Variants in KBTBD2 observed in about 807,000 individuals in gnomAD.
KBTBD2 encodes the protein kelch repeat and BTB domain-containing protein 2.
In KBTBD2, 17 loss-of-function variants were observed where a neutral mutation model predicts 57.1. The observed-to-expected ratio is 0.30, with a 90% CI of 0.20 to 0.45. KBTBD2 has a LOEUF of 0.45. Ranked by LOEUF, KBTBD2 falls within the 20% of genes least tolerant of loss-of-function variation. The pLI is 1.00. For missense variants in KBTBD2, 515 were observed against 750.6 expected (o/e 0.69, Z 3.67); for synonymous variants, 267 against 262.7 (o/e 1.02, Z -0.16).
At chr7:32,884,389 T>TA (rs1784515906) in intron 1 of KBTBD2, among the ~76,000 whole-genome samples, 2 of 98,862 alleles carry the variant, frequency 2.0e-5, no homozygotes, top group Middle Eastern at 6.7e-3. Context: ...AATTTTTAAT[T>TA]TAAAAAAAAA....
Position 32,868,728 on chromosome 7 carries a change from T to G in KBTBD2, c.*617A>C, listed in dbSNP as rs1784088752. 1 of 152,622 alleles carries G rather than the reference T, an allele frequency of 6.6e-6. No homozygotes were observed. Among genetic ancestry groups the G allele is most frequent in the Non-Finnish European group, 1.5e-5 (1 of 68,046 alleles). The allele number at this position is 152,622 out of a possible 1,614,324, so 9.5% of individuals were successfully genotyped here. On this transcript the variant is annotated 3_prime_UTR_variant, in exon 4 of 4. Transcript: ENST00000304056. Reference sequence around the variant, plus strand: ...GACCAGCTGACTGGAAGACCTGTATTCTAGATAGACAAGTATAAGTTAGTG... The same window carrying G: ...GACCAGCTGACTGGAAGACCTGTATGCTAGATAGACAAGTATAAGTTAGTG...
chr7:32,870,455 G>C lies in KBTBD2; in HGVS notation c.762C>G (p.Pro254=). The C allele has an allele frequency of 6.2e-7, 1 of 1,613,742 alleles. No homozygotes were observed. Among genetic ancestry groups the C allele is most frequent in the Non-Finnish European group, 8.5e-7 (1 of 1,179,852 alleles). The change falls in exon 4 of 4, where the codon CCC becomes CCG. Residue 254 remains proline, a synonymous_variant. Coordinates refer to ENST00000304056, the MANE Select transcript of KBTBD2 (RefSeq NM_015483.3). The part of the protein sequence containing the change: ...VVVQGLYKSM[P]KFFKPRLGMT... ...TCCCAAGTCTTGGTTTGAAAAACTT[G>C]GGCATGGACTTATACAGACCTTGAA...
At chr7:32,885,337 A>G (rs1466247129) in intron 1 of KBTBD2, among the ~76,000 whole-genome samples, 2 of 151,986 alleles carry the variant, frequency 1.3e-5, no homozygotes, top group African/African-American at 4.8e-5. Flanking sequence ...TAATTTATAT[A>G]TATTCCACTT....
chr7:32,890,787 A>G (rs1000878183), intron 1 of KBTBD2, among the ~76,000 whole-genome samples: 3 of 152,096 alleles, frequency 2.0e-5, no homozygotes, highest in Non-Finnish European at 4.4e-5. Flanking sequence ...CGTGGGATGG[A>G]CGCTCCTCTA....
Position 32,875,019 on chromosome 7 carries a change from C to T in KBTBD2, c.309G>A (p.Gln103=), listed in dbSNP as rs1434883118. ...NLAMNDSTVE[Q]LYETACFLQV... is the part of the protein sequence containing the mutation. ...GTAGGAAGCAAGCTGTTTCATAAAG[C>T]TGTTCTACAGTGCTGTCATTCATTG... Residue 103 remains glutamine (Q), a synonymous_variant, in exon 3 of 4, where the codon CAG becomes CAA. Transcript: ENST00000304056. 1 of 1,614,084 alleles carries T rather than the reference C, an allele frequency of 6.2e-7. No individual in the cohort carries two copies. The highest frequency in any genetic ancestry group is 1.7e-5 in the Admixed American group (1 of 60,008).
chr7:32,884,138 G>A (rs549461299), intron 1 of KBTBD2, among the ~76,000 whole-genome samples: 2 of 152,296 alleles, frequency 1.3e-5, no homozygotes, highest in South Asian at 2.1e-4. Context: ...GGATCACACA[G>A]GAGGAAGGAA....
chr7:32,871,321 C>T (rs906116331), intron 3 of KBTBD2, among the ~76,000 whole-genome samples: 1 of 152,066 alleles, frequency 6.6e-6, no homozygotes, highest in African/African-American at 2.4e-5. Flanking sequence ...CACATAAAAC[C>T]AGAAAATCAT....
At position 32,869,424 on chromosome 7, in the gene KBTBD2, G is replaced by A; in HGVS notation, c.1793C>T (p.Pro598Leu). 6.2e-7 allele frequency: 1 copy of A among 1,614,086 alleles called. No homozygotes were observed. Among genetic ancestry groups the A allele is most frequent in the Non-Finnish European group, 8.5e-7 (1 of 1,180,002 alleles). The change falls in exon 4 of 4, where the codon CCA becomes CTA. Residue 598 changes from proline to leucine, a missense_variant. Coordinates refer to ENST00000304056, the MANE Select transcript of KBTBD2 (RefSeq NM_015483.3). ...PSCLEESPWKPPTYLFSTDGT... is the reference protein window; with the variant it reads ...PSCLEESPWKLPTYLFSTDGT... ...ATCCGTTGAAAAAAGATAAGTTGGTGGTTTCCATGGAGACTCTTCAAGGCA... is the reference window on the plus strand; with the variant it reads ...ATCCGTTGAAAAAAGATAAGTTGGTAGTTTCCATGGAGACTCTTCAAGGCA...
upstream of KBTBD2, chr7:32,891,791 G>T: frequency 6.6e-6 from 1 of 150,916 alleles, no homozygotes; most frequent in South Asian, 1.8e-4. Context: ...CTCAGGGCCC[G>T]ACCACCGCCA....
intron 3 of KBTBD2, among the ~76,000 whole-genome samples, chr7:32,874,226 C>T (rs1012584894): frequency 2.0e-5 from 3 of 151,872 alleles, no homozygotes; most frequent in African/African-American, 4.8e-5. Flanking sequence ...CGGTGAAACC[C>T]CATCTCTACT....
chr7:32,870,114 A>G lies in KBTBD2; in HGVS notation c.1103T>C (p.Phe368Ser). The change falls in exon 4 of 4, where the codon TTT (phenylalanine) becomes TCT (serine). Residue 368 changes from phenylalanine to serine, a missense_variant. Transcript: ENST00000304056. ...AACCAAAGATGGCTTTATGCGGACAAAAAGCATTGGGGTCTTTGGAAACCA... is the reference window on the plus strand; with the variant it reads ...AACCAAAGATGGCTTTATGCGGACAGAAAGCATTGGGGTCTTTGGAAACCA... Reference protein sequence around the residue: ...NTWFPKTPMLFVRIKPSLVCC... With the variant: ...NTWFPKTPMLSVRIKPSLVCC... 6.2e-7 allele frequency: 1 copy of G among 1,614,218 alleles called. No individual in the cohort carries two copies. Among genetic ancestry groups the G allele is most frequent in the Admixed American group, 1.7e-5 (1 of 60,028 alleles).
intron 1 of KBTBD2, among the ~76,000 whole-genome samples, chr7:32,887,630 T>C (rs1166400293): frequency 6.6e-6 from 1 of 152,220 alleles, no homozygotes; most frequent in Admixed American, 6.5e-5. Context: ...AATTGTACAT[T>C]ACTAACTTAG....
chr7:32,869,565 G>A lies in KBTBD2; in HGVS notation c.1652C>T (p.Thr551Ile), dbSNP rs1784116925. The A allele has an allele frequency of 6.2e-7, 1 of 1,614,158 alleles. No homozygotes were observed. The highest frequency in any genetic ancestry group is 1.3e-5 in the African/African-American group (1 of 75,040). ...THLNERAKYV[T>I]YQYDLELDRW... is the part of the protein sequence containing the mutation. ...GTCAAGTTCCAGGTCATATTGGTAG[G>A]TGACGTATTTAGCTCGCTCATTTAA... Residue 551 changes from threonine to isoleucine, a missense_variant, in exon 4 of 4, where the codon ACC (threonine) becomes ATC (isoleucine). Physicochemically the swap from Thr to Ile is moderately conservative, Grantham distance 89 (BLOSUM62 -1). Coordinates refer to ENST00000304056, the MANE Select transcript of KBTBD2 (RefSeq NM_015483.3).
At chr7:32,873,082 T>C (rs1784220917) in intron 3 of KBTBD2, among the ~76,000 whole-genome samples, 1 of 152,176 alleles carries the variant, frequency 6.6e-6, no homozygotes, top group South Asian at 2.1e-4. Flanking sequence ...ATTTAACCTT[T>C]GATCTAAAGG....
chr7:32,877,122 G>A (rs868257109), intron 2 of KBTBD2, among the ~76,000 whole-genome samples: 7 of 151,988 alleles, frequency 4.6e-5, no homozygotes, highest in African/African-American at 1.5e-4. Flanking sequence ...AGGTTCAAGC[G>A]ATTCTCCTAC....
Position 32,869,322 on chromosome 7 carries a change from C to T in KBTBD2, c.*23G>A, listed in dbSNP as rs377266868. ...AAAATGACAAAGCACATAACTCAGGCGTGCACTCCCTGAACTTCCCCACTA... is the reference window on the plus strand; with the variant it reads ...AAAATGACAAAGCACATAACTCAGGTGTGCACTCCCTGAACTTCCCCACTA... On this transcript the variant is annotated 3_prime_UTR_variant, in exon 4 of 4. Transcript: ENST00000304056. The T allele has an allele frequency of 4.0e-5, 60 of 1,504,048 alleles. No homozygotes were observed. The highest frequency in any genetic ancestry group is 4.9e-5 in the Non-Finnish European group (54 of 1,099,880). The allele number at this position is 1,504,048 out of a possible 1,614,324, so 93.2% of individuals were successfully genotyped here.
intron 3 of KBTBD2, among the ~76,000 whole-genome samples, chr7:32,873,368 A>G (rs1455013801): frequency 7.1e-6 from 1 of 140,168 alleles, no homozygotes; most frequent in Non-Finnish European, 1.5e-5. Context: ...AAAAATTAGT[A>G]TATCTAAGCT....
chr7:32,892,096 GC>G, upstream of KBTBD2: 1 of 152,114 alleles, frequency 6.6e-6, no homozygotes, highest in East Asian at 1.9e-4. Context: ...TACTCTAGCT[GC>G]CCCCGCCCTT....
intron 2 of KBTBD2, among the ~76,000 whole-genome samples, chr7:32,876,287 G>A (rs1249672995): frequency 2.6e-5 from 4 of 152,160 alleles, no homozygotes; most frequent in African/African-American, 9.7e-5. Flanking sequence ...CAAGGACAGA[G>A]ATGAAGAAGC....
Sources: allele counts gnomAD v4.1 joint callset (sites outside exome capture counted in the v4.1 genomes callset), GRCh38; gene constraint gnomAD v4.1.1; transcripts MANE v1.5; gene names NCBI Gene and HGNC (gene_info 2026-07-23, HGNC 2026-07-21).